Variants in CDC27 observed in about 807,000 individuals in gnomAD.
CDC27 encodes the protein cell division cycle 27.
In CDC27, 27 loss-of-function variants were observed where a neutral mutation model predicts 109.7. The ratio of observed to expected loss-of-function variants is 0.25; its 90% CI spans 0.18 to 0.34. The LOEUF (loss-of-function observed/expected upper bound fraction) is 0.34, where lower values mean the gene tolerates loss of function less well. CDC27 is among the 10% of genes least tolerant of loss of function. The pLI is 1.00. For missense variants in CDC27, 579 were observed against 960.2 expected (o/e 0.60, Z 5.25); for synonymous variants, 266 against 333.9 (o/e 0.80, Z 2.22).
At chr17:47,185,409 T>C (rs1020463963) in intron 1 of CDC27, among the ~76,000 whole-genome samples, 1 of 152,144 alleles carries the variant, frequency 6.6e-6, no homozygotes, top group African/African-American at 2.4e-5. Flanking sequence ...GGTCTCGATC[T>C]CCTGACCTCG....
chr17:47,134,804 T>G (rs971632977), intron 14 of CDC27, among the ~76,000 whole-genome samples: 3 of 150,152 alleles, frequency 2.0e-5, no homozygotes, highest in African/African-American at 4.9e-5. Context: ...TTTTTTTTTT[T>G]GTTAGGGAAG....
intron 2 of CDC27, among the ~76,000 whole-genome samples, chr17:47,175,899 G>A (rs1247403497): frequency 2.0e-5 from 3 of 152,134 alleles, no homozygotes; most frequent in South Asian, 2.1e-4. Context: ...TTAAAGTACC[G>A]ACTCTGAAGC....
At chr17:47,122,855 G>A (rs1304031122) in intron 17 of CDC27, among the ~76,000 whole-genome samples, 1 of 152,060 alleles carries the variant, frequency 6.6e-6, no homozygotes, top group African/African-American at 2.4e-5. Context: ...TGTATTTTTA[G>A]TAGAGACAGG....
At chr17:47,164,721 G>A (rs756435135) in intron 4 of CDC27, among the ~76,000 whole-genome samples, 28 of 152,110 alleles carry the variant, frequency 1.8e-4, no homozygotes, top group Non-Finnish European at 3.1e-4. Context: ...GGAGGCTGAG[G>A]CACGAGAACT....
intron 4 of CDC27, among the ~76,000 whole-genome samples, chr17:47,158,895 C>CA (rs1241355338): frequency 6.6e-6 from 1 of 152,122 alleles, no homozygotes; most frequent in Non-Finnish European, 1.5e-5. Flanking sequence ...GCTGGGATTA[C>CA]AGGTGTGAGC....
Position 47,157,330 on chromosome 17 carries a change from C to T in CDC27, c.530G>A (p.Ser177Asn), listed in dbSNP as rs757615823. ...TFKFTSLQNF[S>N]NCLPNSCTTQ... is the part of the protein sequence containing the mutation. The stretch of plus-strand genomic sequence containing the variant: ...TGTGCAAGAGTTGGGCAGACAGTTG[C>T]TAAAGTTCTGTAAAGATGTGAATTT... The change falls in exon 6 of 19, where the codon AGC (serine) becomes AAC (asparagine). Residue 177 changes from serine (S) to asparagine (N), a missense_variant. This residue lies in a region of CDC27 where 57 missense variants were observed against 59.0 expected (regional missense o/e 0.97). Transcript: ENST00000066544. The T allele has an allele frequency of 6.2e-7, 1 of 1,612,464 alleles. No individual in the cohort carries two copies. The highest frequency in any genetic ancestry group is 8.5e-7 in the Non-Finnish European group (1 of 1,179,382).
chr17:47,141,669 TA>T, intron 12 of CDC27, among the ~76,000 whole-genome samples, 183 bp downstream of exon 12: 1 of 152,306 alleles, frequency 6.6e-6, no homozygotes, highest in East Asian at 1.9e-4. Context: ...GCAAAGAATT[TA>T]AATTACTCCT....
chr17:47,137,161 TA>T lies in CDC27; in HGVS notation c.1903del (p.Tyr635IlefsTer7). On this transcript the variant is annotated frameshift_variant, in exon 14 of 19. Transcript: ENST00000066544. LOFTEE classifies it high-confidence loss of function. Reference protein sequence around the residue: ...RNAIRVNPRHYNAWYGLGMIY... With the variant: ...RNAIRVNPRHXNAWYGLGMIY... Reference sequence around the variant, plus strand: ...CTTCATTACCACTTACCATGCATTATAATGTCTAGGATTGACTCTGATAGCA... The same window carrying T: ...CTTCATTACCACTTACCATGCATTATATGTCTAGGATTGACTCTGATAGCA... 1 of 1,592,284 alleles carries T rather than the reference TA, an allele frequency of 6.3e-7. No individual in the cohort carries two copies.
chr17:47,149,241 T>TG (rs1437100171), intron 9 of CDC27, among the ~76,000 whole-genome samples: 1 of 150,214 alleles, frequency 6.7e-6, no homozygotes, highest in African/African-American at 2.4e-5. Flanking sequence ...CCAGGTGCGG[T>TG]GGGGCTCATG....
rs1242223435 is a variant in CDC27, at chr17:47,119,576, A to G, written c.*1359T>C. On this transcript the variant is annotated 3_prime_UTR_variant, in exon 19 of 19. Transcript: ENST00000066544. ...TTGTTATATTCTGACACTGGCACTTAATAAAATGTTAACAACTAAAATTTC... is the reference window on the plus strand; with the variant it reads ...TTGTTATATTCTGACACTGGCACTTGATAAAATGTTAACAACTAAAATTTC... 1 of 152,224 alleles carries G rather than the reference A, an allele frequency of 6.6e-6. No individual in the cohort carries two copies. The highest frequency in any genetic ancestry group is 1.5e-5 in the Non-Finnish European group (1 of 68,026). 9.4% of individuals were successfully genotyped at this position (152,224 alleles called of 1,614,324 possible).
At chr17:47,125,811 G>C (rs1262212140) in intron 16 of CDC27, among the ~76,000 whole-genome samples, 1 of 152,126 alleles carries the variant, frequency 6.6e-6, no homozygotes, top group Admixed American at 6.6e-5. Context: ...CAAAGTGCTG[G>C]GATTACAGGC....
chr17:47,152,679 A>G (rs1014826126), intron 8 of CDC27, among the ~76,000 whole-genome samples: 30 of 152,170 alleles, frequency 2.0e-4, no homozygotes, highest in African/African-American at 7.2e-4. Context: ...GATGTCCTGT[A>G]CACAATCCTC....
chr17:47,176,952 T>G (rs1462153605), intron 2 of CDC27, among the ~76,000 whole-genome samples: 1 of 152,214 alleles, frequency 6.6e-6, no homozygotes, highest in African/African-American at 2.4e-5. Flanking sequence ...ACGCATATAT[T>G]TCTGTGAGTT....
chr17:47,186,669 A>G (rs1042683739), intron 1 of CDC27, among the ~76,000 whole-genome samples: 1 of 152,194 alleles, frequency 6.6e-6, no homozygotes, highest in Non-Finnish European at 1.5e-5. Flanking sequence ...ATATAAAGTA[A>G]TACTCTTCTG....
In CDC27 at chr17:47,158,258, G is replaced by A; in HGVS notation, c.423C>T (p.Ser141=). 1.3e-6 allele frequency: 2 copies of A among 1,586,132 alleles called. No homozygotes were observed. Among genetic ancestry groups the A allele is most frequent in the Non-Finnish European group, 1.7e-6 (2 of 1,166,892 alleles). ...ACCAGAGGAAAGGATTTAAACTAAGGCTCTTTTGGTAACATTCTGATCCTT... is the reference window on the plus strand; with the variant it reads ...ACCAGAGGAAAGGATTTAAACTAAGACTCTTTTGGTAACATTCTGATCCTT... The part of the protein sequence containing the change: ...LAKGSECYQK[S]LSLNPFLWSP... Residue 141 remains serine (S), a synonymous_variant, in exon 5 of 19, where the codon AGC becomes AGT. Transcript: ENST00000066544.
chr17:47,129,440 A>C lies in CDC27; in HGVS notation c.2113T>G (p.Cys705Gly). The C allele has an allele frequency of 6.2e-7, 1 of 1,611,916 alleles. No individual in the cohort carries two copies. The highest frequency in any genetic ancestry group is 8.5e-7 in the Non-Finnish European group (1 of 1,178,194). ...AAAACTGAGGCTCTGTGAAATTTGC[A>C]TAGAGGGTTCTTGGGATCAATGACA... ...AIVIDPKNPL[C>G]KFHRASVLFA... The change falls in exon 16 of 19, where the codon TGC becomes GGC. Residue 705 changes from cysteine to glycine, a missense_variant. By Grantham distance (159) the Cys-to-Gly change is radical. Transcript: ENST00000066544.
intron 2 of CDC27, among the ~76,000 whole-genome samples, chr17:47,175,187 A>T (rs1444166665): frequency 6.6e-6 from 1 of 152,168 alleles, no homozygotes; most frequent in Non-Finnish European, 1.5e-5. Context: ...AGTCCAAAAT[A>T]ATTAAGAGGG....
chr17:47,130,988 C>T (rs1217987080), intron 15 of CDC27, among the ~76,000 whole-genome samples: 2 of 151,962 alleles, frequency 1.3e-5, no homozygotes, highest in East Asian at 1.9e-4. Flanking sequence ...GTAGTGCCAA[C>T]GTCTGCTTGC....
intron 2 of CDC27, among the ~76,000 whole-genome samples, chr17:47,174,481 A>G (rs923893680): frequency 1.3e-5 from 2 of 152,196 alleles, no homozygotes; most frequent in Admixed American, 1.3e-4. Flanking sequence ...TTATTTACAG[A>G]CTTAATTAAA....
Sources: allele counts gnomAD v4.1 joint callset (sites outside exome capture counted in the v4.1 genomes callset), GRCh38; gene constraint gnomAD v4.1.1; regional missense constraint gnomAD v4.1.1; transcripts MANE v1.5; gene names NCBI Gene and HGNC (gene_info 2026-07-23, HGNC 2026-07-21).